FER: variants seen among roughly 807,000 people sequenced by gnomAD.
FER encodes tyrosine-protein kinase Fer.
Under a neutral mutation model 111.0 loss-of-function variants are expected in FER, and 63 were observed. The ratio of observed to expected loss-of-function variants is 0.57; its 90% CI spans 0.46 to 0.70. The LOEUF is 0.70. FER is among the 30% of genes least tolerant of loss of function. The pLI is 0.00. For missense variants in FER, 914 were observed against 954.0 expected (o/e 0.96, Z 0.55); for synonymous variants, 327 against 313.9 (o/e 1.04, Z -0.44).
At chr5:108,793,901 G>T (rs1755689076) in intron 2 of FER, among the ~76,000 whole-genome samples, 1 of 152,072 alleles carries the variant, frequency 6.6e-6, no homozygotes, top group Admixed American at 6.6e-5. Context: ...CAAGCAAAAA[G>T]AAAACTAATG....
At chr5:108,981,147 A>T (rs1026603469) in intron 13 of FER, among the ~76,000 whole-genome samples, 3 of 152,014 alleles carry the variant, frequency 2.0e-5, no homozygotes, top group African/African-American at 4.8e-5. Flanking sequence ...ACAATCGCTG[A>T]AGTTTTTTTT....
intron 16 of FER, among the ~76,000 whole-genome samples, chr5:109,093,565 C>T (rs1747090910): frequency 6.6e-6 from 1 of 152,086 alleles, no homozygotes; most frequent in Non-Finnish European, 1.5e-5. Flanking sequence ...GATTGTATGA[C>T]ATCCACTGAT....
chr5:108,967,759 C>CAAAAAAAAAAAAAAAAAAAAAAAAAA (rs774855414), intron 13 of FER, among the ~76,000 whole-genome samples: 6 of 34,474 alleles, frequency 1.7e-4, no homozygotes, highest in Non-Finnish European at 3.4e-4. Flanking sequence ...GACTCCGTCT[C>CAAAAAAAAAAAAAAAAAAAAAAAAAA]AAAAAAAAAA....
intron 17 of FER, among the ~76,000 whole-genome samples, chr5:109,123,629 A>G (rs1037947463): frequency 2.0e-5 from 3 of 152,208 alleles, no homozygotes; most frequent in Non-Finnish European, 4.4e-5. Flanking sequence ...TCAATTTATC[A>G]CTGGTTATAT....
chr5:108,856,289 T>A (rs1173929390), intron 5 of FER, among the ~76,000 whole-genome samples: 1 of 152,156 alleles, frequency 6.6e-6, no homozygotes, highest in Non-Finnish European at 1.5e-5. Flanking sequence ...GGTTCAGATT[T>A]CAAAATCATA....
At chr5:109,154,676 G>A (rs1016133787) in intron 17 of FER, among the ~76,000 whole-genome samples, 8 of 151,782 alleles carry the variant, frequency 5.3e-5, no homozygotes, top group African/African-American at 1.2e-4. Flanking sequence ...AGTACTATTC[G>A]ACATCTATAT....
intron 17 of FER, among the ~76,000 whole-genome samples, chr5:109,159,490 T>C (rs923769610): frequency 6.6e-6 from 1 of 152,220 alleles, no homozygotes; most frequent in Non-Finnish European, 1.5e-5. Flanking sequence ...TTTGAAGTAG[T>C]TATTTTCTTT....
chr5:109,022,921 A>G (rs1380151405), intron 13 of FER, among the ~76,000 whole-genome samples: 1 of 152,144 alleles, frequency 6.6e-6, no homozygotes, highest in Non-Finnish European at 1.5e-5. Flanking sequence ...TATGCTATAG[A>G]TAATAGCTTG....
intron 13 of FER, among the ~76,000 whole-genome samples, chr5:108,976,571 A>T (rs908770689): frequency 6.6e-6 from 1 of 152,148 alleles, no homozygotes; most frequent in African/African-American, 2.4e-5. Context: ...TCTGCATATG[A>T]CTTTTGACTT....
chr5:108,773,746 C>T (rs1317594256), intron 2 of FER, among the ~76,000 whole-genome samples: 16 of 151,850 alleles, frequency 1.1e-4, no homozygotes, highest in African/African-American at 3.9e-4. Flanking sequence ...ATATTTCTGT[C>T]TCTAGGTCTT....
At chr5:109,025,064 G>T (rs1394597566) in intron 13 of FER, among the ~76,000 whole-genome samples, 1 of 152,078 alleles carries the variant, frequency 6.6e-6, no homozygotes, top group Non-Finnish European at 1.5e-5. Context: ...GATGCCTCCA[G>T]CTTTGTTCTT....
intron 16 of FER, among the ~76,000 whole-genome samples, chr5:109,062,272 C>A (rs1774514136): frequency 6.6e-6 from 1 of 152,154 alleles, no homozygotes; most frequent in African/African-American, 2.4e-5. Flanking sequence ...CCTGTAATCC[C>A]AGCACTTTGG....
At chr5:108,799,803 A>G (rs1756428408) in intron 3 of FER, among the ~76,000 whole-genome samples, 2 of 151,260 alleles carry the variant, frequency 1.3e-5, no homozygotes, top group South Asian at 4.2e-4. Flanking sequence ...TCTGAGTCCA[A>G]AGGCTTTCTG....
intron 17 of FER, among the ~76,000 whole-genome samples, chr5:109,153,868 C>T (rs1035861298): frequency 3.3e-5 from 5 of 151,776 alleles, no homozygotes; most frequent in African/African-American, 1.2e-4. Context: ...TTATCAGAGC[C>T]TCTGCTTTCT....
intron 17 of FER, among the ~76,000 whole-genome samples, chr5:109,102,035 A>T (rs1195628059): frequency 6.6e-6 from 1 of 152,100 alleles, no homozygotes; most frequent in East Asian, 1.9e-4. Context: ...TGAGAGGACC[A>T]TTGTTTCAAT....
intron 17 of FER, among the ~76,000 whole-genome samples, chr5:109,127,535 C>G (rs1751866982): frequency 6.6e-6 from 1 of 152,032 alleles, no homozygotes; most frequent in African/African-American, 2.4e-5. Context: ...TGCTGAGTAG[C>G]TGGGATTACA....
chr5:108,938,443 G>A (rs1391812197), intron 10 of FER, among the ~76,000 whole-genome samples: 1 of 151,916 alleles, frequency 6.6e-6, no homozygotes, highest in Non-Finnish European at 1.5e-5. Context: ...CAGATATTTA[G>A]GGCCCATTTG....
At chr5:109,136,908 T>C (rs1752953983) in intron 17 of FER, among the ~76,000 whole-genome samples, 1 of 152,190 alleles carries the variant, frequency 6.6e-6, no homozygotes, top group South Asian at 2.1e-4. Context: ...TCAGGTAACC[T>C]GAAGTATTTT....
intron 1 of FER, among the ~76,000 whole-genome samples, chr5:108,756,698 G>A (rs2149917296): frequency 6.6e-6 from 1 of 152,228 alleles, no homozygotes; most frequent in Admixed American, 6.5e-5. Context: ...TGTTGGGGAT[G>A]ATGTATGAGA....
Sources: gnomAD v4.1 joint callset for allele counts (sites outside exome capture counted in the v4.1 genomes callset) on GRCh38, gnomAD v4.1.1 for gene constraint, MANE v1.5 for transcripts, NCBI Gene and HGNC (gene_info 2026-07-23, HGNC 2026-07-21) for gene names.